SMIM45: variants seen among roughly 807,000 people sequenced by gnomAD.
The protein encoded by SMIM45 is small integral membrane protein 45.
chr22:41,957,162 G>C, the SMIM45 span, among the ~76,000 whole-genome samples: 2 of 149,960 alleles, frequency 1.3e-5, no homozygotes, highest in African/African-American at 5.0e-5. Context: ...AGGCCTGGGC[G>C]GCTGAGTCAC....
At chr22:41,947,091 C>T in the SMIM45 span, 8 of 1,612,592 alleles carry the variant, frequency 5.0e-6, no homozygotes, top group African/African-American at 1.3e-5. Flanking sequence ...GCCGCAGGAC[C>T]AACCGTTGCT....
At chr22:41,950,879 C>G in the SMIM45 span, among the ~76,000 whole-genome samples, 1 of 152,204 alleles carries the variant, frequency 6.6e-6, no homozygotes, top group Non-Finnish European at 1.5e-5. Context: ...GTAGTCCCAG[C>G]TCCTCGGAAG....
the SMIM45 span, chr22:41,958,277 T>TAGGG: frequency 2.2e-6 from 1 of 456,256 alleles, no homozygotes; most frequent in Non-Finnish European, 4.4e-6. Flanking sequence ...AGTCCCCAGC[T>TAGGG]CCCCTGCCTC....
the SMIM45 span, among the ~76,000 whole-genome samples, chr22:41,954,115 G>C: frequency 6.6e-6 from 1 of 151,744 alleles, no homozygotes; most frequent in Non-Finnish European, 1.5e-5. Context: ...GTGCTACATA[G>C]TAAGTTTGTT....
chr22:41,953,421 C>A, the SMIM45 span, among the ~76,000 whole-genome samples: 1 of 152,234 alleles, frequency 6.6e-6, no homozygotes, highest in East Asian at 1.9e-4. Flanking sequence ...GCCTTTCCCT[C>A]CCCTGGAGGA....
At chr22:41,956,123 C>T in the SMIM45 span, among the ~76,000 whole-genome samples, 18 of 151,924 alleles carry the variant, frequency 1.2e-4, no homozygotes, top group Non-Finnish European at 2.2e-4. Context: ...GATCCTTCCA[C>T]CTCAGCCTCC....
the SMIM45 span, among the ~76,000 whole-genome samples, chr22:41,953,713 G>A: frequency 3.3e-5 from 5 of 150,706 alleles, no homozygotes; most frequent in Admixed American, 2.0e-4. Flanking sequence ...CCTGTCCCTG[G>A]AGGAGATGAT....
chr22:41,951,441 A>T, the SMIM45 span, among the ~76,000 whole-genome samples: 3 of 152,314 alleles, frequency 2.0e-5, no homozygotes, highest in African/African-American at 7.2e-5. Context: ...CTCATCCCAA[A>T]ATGGGGTCTC....
the SMIM45 span, chr22:41,947,306 A>C: frequency 3.5e-6 from 2 of 578,794 alleles, no homozygotes; most frequent in Non-Finnish European, 6.2e-6. Flanking sequence ...CACGCTCCAC[A>C]GTAAGCAGGT....
At chr22:41,957,869 G>GC in the SMIM45 span, 1 of 158,120 alleles carries the variant, frequency 6.3e-6, no homozygotes, top group Non-Finnish European at 1.4e-5. Flanking sequence ...CGACAACCTG[G>GC]CCTTCGGCGG....
chr22:41,949,757 G>A, the SMIM45 span, among the ~76,000 whole-genome samples: 1 of 152,204 alleles, frequency 6.6e-6, no homozygotes, highest in South Asian at 2.1e-4. Context: ...CCATCGGGGA[G>A]CAGCCAGGAG....
At chr22:41,948,512 G>A in the SMIM45 span, among the ~76,000 whole-genome samples, 2 of 152,118 alleles carry the variant, frequency 1.3e-5, no homozygotes, top group Non-Finnish European at 2.9e-5. Context: ...AGATCAGGAC[G>A]TAAATGGCCC....
chr22:41,957,041 A>G, the SMIM45 span, among the ~76,000 whole-genome samples: 1 of 152,088 alleles, frequency 6.6e-6, no homozygotes, highest in Non-Finnish European at 1.5e-5. Flanking sequence ...TCGGCCTCCC[A>G]AAGTGCTGGG....
At chr22:41,949,041 G>C in the SMIM45 span, among the ~76,000 whole-genome samples, 1 of 152,012 alleles carries the variant, frequency 6.6e-6, no homozygotes, top group African/African-American at 2.4e-5. Context: ...CTCTGGCCTG[G>C]GCAACAAGAG....
At chr22:41,946,949 A>G in the SMIM45 span, 1 of 1,495,516 alleles carries the variant, frequency 6.7e-7, no homozygotes, top group Middle Eastern at 1.7e-4. Context: ...CAGAGAGCTC[A>G]GTTGACCTAG....
the SMIM45 span, among the ~76,000 whole-genome samples, chr22:41,955,927 T>A: frequency 6.6e-6 from 1 of 152,144 alleles, no homozygotes; most frequent in Non-Finnish European, 1.5e-5. Flanking sequence ...GTAGCACTTG[T>A]TATGTGCCAG....
chr22:41,948,821 G>C, the SMIM45 span, among the ~76,000 whole-genome samples: 1 of 152,168 alleles, frequency 6.6e-6, no homozygotes, highest in Non-Finnish European at 1.5e-5. Context: ...CCAGCATTTT[G>C]GGAGGCCGAG....
the SMIM45 span, among the ~76,000 whole-genome samples, chr22:41,955,801 G>A: frequency 0.12 from 13,261 of 112,066 alleles, 714 homozygotes; most frequent in Admixed American, 0.19. Context: ...GCAAGACTCC[G>A]TCTCAAAAAA....
the SMIM45 span, among the ~76,000 whole-genome samples, chr22:41,955,346 A>G: frequency 6.6e-6 from 1 of 151,940 alleles, no homozygotes; most frequent in Non-Finnish European, 1.5e-5. Context: ...CACCTGGCTA[A>G]TTTTGTACTT....
Sources: allele counts gnomAD v4.1 joint callset (sites outside exome capture counted in the v4.1 genomes callset), GRCh38; gene constraint gnomAD v4.1.1; transcripts MANE v1.5; gene names NCBI Gene and HGNC (gene_info 2026-07-23, HGNC 2026-07-21).